SPOCK1: variants seen among roughly 807,000 people sequenced by gnomAD.
SPOCK1 encodes the protein testican-1.
In SPOCK1, 23 loss-of-function variants were observed where a neutral mutation model predicts 55.3. The observed-to-expected ratio is 0.42, with a 90% CI of 0.30 to 0.59. The LOEUF (loss-of-function observed/expected upper bound fraction) is 0.59. Among genes scored for constraint, SPOCK1 ranks in the 20% least tolerant of loss-of-function variants. The pLI is 0.22. For missense variants in SPOCK1, 499 were observed against 552.5 expected (o/e 0.90, Z 0.97); for synonymous variants, 226 against 221.0 (o/e 1.02, Z -0.20).
chr5:137,311,476 A>G (rs2127142452), intron 2 of SPOCK1, among the ~76,000 whole-genome samples: 1 of 152,362 alleles, frequency 6.6e-6, no homozygotes, highest in South Asian at 2.1e-4. Context: ...TACAACAAGC[A>G]TATATAACAG....
intron 2 of SPOCK1, among the ~76,000 whole-genome samples, chr5:137,318,100 C>T (rs1166309820): frequency 6.6e-6 from 1 of 152,186 alleles, no homozygotes; most frequent in Non-Finnish European, 1.5e-5. Context: ...TTTAATGTAA[C>T]TGCATACGTT....
At chr5:137,310,580 C>T (rs960863148) in intron 2 of SPOCK1, among the ~76,000 whole-genome samples, 1 of 152,116 alleles carries the variant, frequency 6.6e-6, no homozygotes, top group Non-Finnish European at 1.5e-5. Flanking sequence ...CTTTCTGTGA[C>T]GAAAGGAGAA....
At chr5:137,375,046 A>G (rs977748928) in intron 2 of SPOCK1, among the ~76,000 whole-genome samples, 1 of 152,220 alleles carries the variant, frequency 6.6e-6, no homozygotes, top group African/African-American at 2.4e-5. Flanking sequence ...TGGACTCTAT[A>G]TGAAATTTCC....
chr5:137,322,007 A>C (rs186725888), intron 2 of SPOCK1, among the ~76,000 whole-genome samples: 2 of 152,356 alleles, frequency 1.3e-5, no homozygotes, highest in Admixed American at 1.3e-4. Flanking sequence ...GCCTTATAAG[A>C]AAAGCTAAAT....
intron 5 of SPOCK1, among the ~76,000 whole-genome samples, chr5:137,102,407 C>T (rs1010995481): frequency 2.6e-5 from 4 of 152,042 alleles, no homozygotes; most frequent in African/African-American, 9.7e-5. Flanking sequence ...AAGAAAGCCT[C>T]TTTGCAGAAT....
At chr5:137,214,133 CAA>C (rs1755668957) in intron 3 of SPOCK1, among the ~76,000 whole-genome samples, 1 of 152,058 alleles carries the variant, frequency 6.6e-6, no homozygotes, top group South Asian at 2.1e-4. Context: ...AAATAGTTAA[CAA>C]AATTACTATT....
At chr5:137,019,997 C>G (rs1251381553) in intron 6 of SPOCK1, among the ~76,000 whole-genome samples, 2 of 151,614 alleles carry the variant, frequency 1.3e-5, no homozygotes, top group East Asian at 3.9e-4. Context: ...TAGGCTCTGA[C>G]AAGTAAAGTA....
At chr5:137,097,102 AG>A in intron 5 of SPOCK1, among the ~76,000 whole-genome samples, 1 of 152,216 alleles carries the variant, frequency 6.6e-6, no homozygotes, top group Non-Finnish European at 1.5e-5. Context: ...ATGTAGTACT[AG>A]TACTAGTGTT....
At chr5:137,379,054 GCAGTGCAACC>G (rs1751398848) in intron 2 of SPOCK1, among the ~76,000 whole-genome samples, 1 of 152,060 alleles carries the variant, frequency 6.6e-6, no homozygotes. Flanking sequence ...TGGGAGCCCT[GCAGTGCAACC>G]CAAGCCACAC....
chr5:137,227,578 G>A (rs1755969535), intron 3 of SPOCK1, among the ~76,000 whole-genome samples: 1 of 152,168 alleles, frequency 6.6e-6, no homozygotes, highest in Non-Finnish European at 1.5e-5. Context: ...AATTGCAAAG[G>A]AGCCTAAAAG....
At chr5:137,108,975 C>G (rs1312291253) in intron 5 of SPOCK1, among the ~76,000 whole-genome samples, 1 of 152,226 alleles carries the variant, frequency 6.6e-6, no homozygotes, top group Non-Finnish European at 1.5e-5. Context: ...TCCCGGGCAA[C>G]TGACAGCATT....
At chr5:137,013,009 T>C (rs1184509389) in intron 6 of SPOCK1, among the ~76,000 whole-genome samples, 1 of 152,154 alleles carries the variant, frequency 6.6e-6, no homozygotes, top group East Asian at 1.9e-4. Flanking sequence ...GACCCCACTT[T>C]TGTAACATGA....
intron 3 of SPOCK1, among the ~76,000 whole-genome samples, chr5:137,146,954 G>C (rs1013945517): frequency 3.9e-5 from 6 of 152,362 alleles, no homozygotes; most frequent in Admixed American, 2.0e-4. Flanking sequence ...CAAAGAGGCA[G>C]AGGAGAGAAA....
At chr5:137,438,887 ATAAAAG>A (rs1752921329) in intron 2 of SPOCK1, among the ~76,000 whole-genome samples, 1 of 152,220 alleles carries the variant, frequency 6.6e-6, no homozygotes, top group African/African-American at 2.4e-5. Context: ...AAAGTCCATG[ATAAAAG>A]TAAGTAAAGT....
Position 136,988,431 on chromosome 5 carries a change from T to C in SPOCK1, c.919A>G (p.Lys307Glu). The C allele has an allele frequency of 6.2e-7, 1 of 1,613,636 alleles. No homozygotes were observed. Among genetic ancestry groups the C allele is most frequent in the South Asian group, 1.1e-5 (1 of 91,074 alleles). ...SNNEWCYCFQKPGGLPCQNEM... is the reference protein window; with the variant it reads ...SNNEWCYCFQEPGGLPCQNEM... ...CTCCATCCCACCTTACCTCCAGGCT[T>C]CTGGAAGCAGTAGCACCACTCATTG... is the stretch of plus-strand genomic sequence containing the variant. The change falls in exon 8 of 11, where the codon AAG becomes GAG. Residue 307 changes from lysine to glutamate, a missense_variant. Physicochemically the swap from Lys to Glu is moderately conservative, Grantham distance 56. Around this residue, in one of 3 missense-constraint regions of SPOCK1, gnomAD observed 386 missense variants for 400.6 expected, o/e 0.96. Coordinates refer to ENST00000394945, the MANE Select transcript of SPOCK1 (RefSeq NM_004598.4).
chr5:137,303,239 A>G (rs1487408225), intron 2 of SPOCK1, among the ~76,000 whole-genome samples: 2 of 152,154 alleles, frequency 1.3e-5, no homozygotes, highest in African/African-American at 4.8e-5. Context: ...AGTAACAATG[A>G]TTTACAGAAT....
At chr5:137,380,214 C>T (rs909945356) in intron 2 of SPOCK1, among the ~76,000 whole-genome samples, 9 of 152,140 alleles carry the variant, frequency 5.9e-5, no homozygotes, top group African/African-American at 2.2e-4. Context: ...ATGGTGGCGG[C>T]CGGGGGAAAG....
intron 6 of SPOCK1, among the ~76,000 whole-genome samples, chr5:137,002,677 A>C (rs1253755698): frequency 6.6e-6 from 1 of 152,186 alleles, no homozygotes; most frequent in African/African-American, 2.4e-5. Flanking sequence ...ACTAATAAAG[A>C]CTAAGCTGCA....
chr5:137,331,519 C>T (rs1280056696), intron 2 of SPOCK1, among the ~76,000 whole-genome samples: 1 of 152,166 alleles, frequency 6.6e-6, no homozygotes, highest in East Asian at 1.9e-4. Flanking sequence ...TTAATTGGCT[C>T]GTAGTTCTGC....
Sources: allele counts gnomAD v4.1 joint callset (sites outside exome capture counted in the v4.1 genomes callset), GRCh38; gene constraint gnomAD v4.1.1; regional missense constraint gnomAD v4.1.1; transcripts MANE v1.5; gene names NCBI Gene and HGNC (gene_info 2026-07-23, HGNC 2026-07-21).